TNKS: variants seen among roughly 807,000 people sequenced by gnomAD.
The protein encoded by TNKS is poly [ADP-ribose] polymerase tankyrase-1.
Under a neutral mutation model 135.8 loss-of-function variants are expected in TNKS, and 72 were observed. That is an observed-to-expected ratio of 0.53 (90% CI 0.44 to 0.64). The LOEUF (loss-of-function observed/expected upper bound fraction) is 0.64, where lower values mean the gene tolerates loss of function less well. Among genes scored for constraint, TNKS ranks in the 30% least tolerant of loss-of-function variants. The probability of loss-of-function intolerance (pLI) is 0.00; values close to 1 mark genes in which losing one functional copy is unlikely to be tolerated. For missense variants in TNKS, 1,769 were observed against 1,674.0 expected (o/e 1.06, Z -0.99); for synonymous variants, 849 against 649.3 (o/e 1.31, Z -4.68).
rs1435233202 is a variant in TNKS at position 9,628,750 on chromosome 8, T to A, written c.994+13073T>A. Among the ~76,000 whole-genome samples, 6 of 152,192 alleles carry A rather than the reference T, an allele frequency of 3.9e-5. No homozygotes were observed. The South Asian group carries it at 1.2e-3, about 32-fold the overall frequency. ...TAGCTCTAGTGTTGCTCTGCCCTCT[T>A]CAGAGGTACATATCCTACTACCTAC... On this transcript the variant is annotated intron_variant, in intron 3 of 26. Transcript: ENST00000310430.
chr8:9,691,697 T>C (rs943361740), intron 5 of TNKS, among the ~76,000 whole-genome samples: 4 of 152,210 alleles, frequency 2.6e-5, no homozygotes, highest in African/African-American at 7.2e-5. Flanking sequence ...TTAATACATA[T>C]AATGCACTTA....
At chr8:9,561,399 A>C (rs1797326202) in intron 1 of TNKS, among the ~76,000 whole-genome samples, 1 of 152,112 alleles carries the variant, frequency 6.6e-6, no homozygotes, top group Non-Finnish European at 1.5e-5. Flanking sequence ...TCAGGCAACC[A>C]CCATTCTGAT....
chr8:9,736,079 T>C (rs1167036915), intron 17 of TNKS, among the ~76,000 whole-genome samples: 1 of 72,060 alleles, frequency 1.4e-5, no homozygotes, highest in Non-Finnish European at 3.4e-5. Flanking sequence ...ATCAATATTG[T>C]AATATAATAT....
At chr8:9,638,894 A>T (rs1800620829) in intron 3 of TNKS, among the ~76,000 whole-genome samples, 1 of 152,202 alleles carries the variant, frequency 6.6e-6, no homozygotes, top group South Asian at 2.1e-4. Flanking sequence ...TGCCCAAATG[A>T]CAGGGCAAAA....
chr8:9,755,400 C>T (rs930319164), intron 20 of TNKS, among the ~76,000 whole-genome samples: 4 of 152,162 alleles, frequency 2.6e-5, no homozygotes, highest in Admixed American at 1.3e-4. Flanking sequence ...AATACATAGA[C>T]GATTGCATTT....
At chr8:9,772,833 G>C (rs897150486) in intron 26 of TNKS, among the ~76,000 whole-genome samples, 210 of 106,022 alleles carry the variant, frequency 2.0e-3, no homozygotes, top group East Asian at 6.5e-3. Flanking sequence ...GTGTGTGTCT[G>C]TGTGTGTGTG....
In TNKS at chr8:9,657,281, G is replaced by A. The variant is rs1458669239; in HGVS notation, c.995-22670G>A. Among the ~76,000 whole-genome samples the A allele has an allele frequency of 9.5e-4, 91 of 95,780 alleles. 2 individuals carry two copies. Among genetic ancestry groups the A allele is most frequent in the Middle Eastern group, 8.1e-3 (1 of 124 alleles). The allele number at this position is 95,780 out of a possible 152,430, so 62.8% of individuals were successfully genotyped here. A position where few individuals can be genotyped will look rare whatever the true frequency, so the allele number is the denominator to read the frequency against. On this transcript the variant is annotated intron_variant, in intron 3 of 26. Coordinates refer to ENST00000310430, the MANE Select transcript of TNKS (RefSeq NM_003747.3). ...CCCCCACCTCCCTCCCGGACGGGGC[G>A]GCTGGCCGGGCGGGGGGCCGACCCC...
chr8:9,766,227 T>C lies in TNKS; in HGVS notation c.3554-12T>C. ...TGTTCAAAAACGAATCTTTCTGTCT[T>C]CGTATTTCTAGGTTCTCCTTTCATT... On this transcript the variant is annotated splice_polypyrimidine_tract_variant and intron_variant, in intron 24 of 26. Transcript: ENST00000310430. 6.3e-7 allele frequency: 1 copy of C among 1,593,266 alleles called. No homozygotes were observed. Among genetic ancestry groups the C allele is most frequent in the South Asian group, 1.1e-5 (1 of 88,854 alleles).
At chr8:9,633,092 T>TA (rs146245200) in intron 3 of TNKS, among the ~76,000 whole-genome samples, 13,054 of 152,242 alleles carry the variant, frequency 0.086, 605 homozygotes, top group South Asian at 0.17. Flanking sequence ...AATGGTACAT[T>TA]ACTGCTTACA....
At chr8:9,636,519 T>G (rs1800517781) in intron 3 of TNKS, among the ~76,000 whole-genome samples, 2 of 152,174 alleles carry the variant, frequency 1.3e-5, no homozygotes, top group African/African-American at 4.8e-5. Flanking sequence ...TTAAATGTCT[T>G]TTTTTCTATG....
At chr8:9,586,420 GT>G (rs146500146) in intron 2 of TNKS, among the ~76,000 whole-genome samples, 11 of 151,694 alleles carry the variant, frequency 7.3e-5, no homozygotes, top group African/African-American at 2.2e-4. Flanking sequence ...GATTTCTGCT[GT>G]TTTTTTTCCC....
intron 3 of TNKS, among the ~76,000 whole-genome samples, chr8:9,657,568 A>C (rs1585287711): frequency 3.1e-5 from 2 of 64,926 alleles, no homozygotes; most frequent in African/African-American, 6.4e-5. Context: ...GGCGCCCCTC[A>C]CCTCCCAGAC....
intron 2 of TNKS, among the ~76,000 whole-genome samples, chr8:9,607,548 T>C (rs113164877): frequency 1.3e-5 from 2 of 152,226 alleles, no homozygotes; most frequent in African/African-American, 4.8e-5. Context: ...CACAATCCAC[T>C]GGTCGTCTTA....
chr8:9,712,562 C>T (rs2128809919), intron 11 of TNKS, among the ~76,000 whole-genome samples: 1 of 152,178 alleles, frequency 6.6e-6, no homozygotes, highest in South Asian at 2.1e-4. Context: ...AATGTTTAAA[C>T]TACAGTCAAT....
At chr8:9,724,854 C>A (rs1021414723) in intron 12 of TNKS, among the ~76,000 whole-genome samples, 1 of 152,206 alleles carries the variant, frequency 6.6e-6, no homozygotes, top group South Asian at 2.1e-4. Flanking sequence ...GTAGACAGTC[C>A]GCATCAAGAT....
chr8:9,743,103 G>A (rs184675381), intron 17 of TNKS, among the ~76,000 whole-genome samples: 221 of 152,274 alleles, frequency 1.5e-3, no homozygotes, highest in African/African-American at 5.2e-3. Context: ...TGAATTTGAT[G>A]ATGCTTGAAC....
intron 3 of TNKS, among the ~76,000 whole-genome samples, chr8:9,672,088 C>G (rs889914396): frequency 4.6e-5 from 7 of 152,172 alleles, no homozygotes; most frequent in Admixed American, 3.3e-4. Context: ...GCAAGTAATC[C>G]TTACTTTACC....
At chr8:9,724,620 C>A (rs1370921845) in intron 12 of TNKS, among the ~76,000 whole-genome samples, 1 of 152,104 alleles carries the variant, frequency 6.6e-6, no homozygotes, top group Non-Finnish European at 1.5e-5. Context: ...GTCATTTCAG[C>A]TAATACATTT....
chr8:9,693,802 C>T (rs982859246), intron 5 of TNKS, among the ~76,000 whole-genome samples: 2 of 152,148 alleles, frequency 1.3e-5, no homozygotes, highest in African/African-American at 4.8e-5. Context: ...CAATATGTCA[C>T]CTGATAGCAT....
Sources: allele counts gnomAD v4.1 joint callset (sites outside exome capture counted in the v4.1 genomes callset), GRCh38; gene constraint gnomAD v4.1.1; transcripts MANE v1.5; gene names NCBI Gene and HGNC (gene_info 2026-07-23, HGNC 2026-07-21).